The following SCFD2 variants were observed in gnomAD, a reference collection of about 807,000 sequenced individuals.
The protein encoded by SCFD2 is sec1 family domain-containing protein 2.
Under a neutral mutation model 58.9 loss-of-function variants are expected in SCFD2, and 54 were observed. The ratio of observed to expected loss-of-function variants is 0.92; its 90% CI spans 0.74 to 1.15. The LOEUF (loss-of-function observed/expected upper bound fraction) is 1.15. Among genes scored for constraint, SCFD2 ranks in the 50% most tolerant of loss-of-function variants. The probability of loss-of-function intolerance (pLI) is 0.00; values close to 1 mark genes in which losing one functional copy is unlikely to be tolerated. For synonymous variants in SCFD2, 321 were observed against 335.9 expected, an observed-to-expected ratio of 0.96 and a Z score of 0.49; for missense variants, 805 against 836.6, an observed-to-expected ratio of 0.96 and a Z score of 0.47.
At position 53,031,523 on chromosome 4, in the gene SCFD2, G is replaced by C. The variant is rs147649359; in HGVS notation, c.1562-110653C>G. Among the ~76,000 whole-genome samples the C allele has an allele frequency of 5.0e-3, 766 of 152,242 alleles. 3 individuals carry two copies. Among genetic ancestry groups the C allele is most frequent in the Admixed American group, 0.011 (162 of 15,282 alleles). ...TTCTAACCCAATGTAAGGAAGCTAA[G>C]AACCATGACAAAGACAAAAGTTTAG... On this transcript the variant is annotated intron_variant, in intron 5 of 8. Coordinates refer to ENST00000401642, the MANE Select transcript of SCFD2 (RefSeq NM_152540.4).
intron 2 of SCFD2, among the ~76,000 whole-genome samples, chr4:53,333,150 TATC>T (rs1456509349): frequency 1.9e-3 from 247 of 128,844 alleles, no homozygotes; most frequent in African/African-American, 7.0e-3. Flanking sequence ...GAAGAATCAA[TATC>T]ATGAAAATGG....
intron 7 of SCFD2, among the ~76,000 whole-genome samples, chr4:52,896,567 T>C (rs962105352): frequency 3.3e-5 from 5 of 152,194 alleles, no homozygotes; most frequent in African/African-American, 1.2e-4. Flanking sequence ...ACTGTAGCCT[T>C]GTAGTATAGT....
chr4:53,121,679 C>T (rs1238285207), intron 5 of SCFD2, among the ~76,000 whole-genome samples: 1 of 152,156 alleles, frequency 6.6e-6, no homozygotes, highest in Non-Finnish European at 1.5e-5. Context: ...CAGACCTGGT[C>T]GCAATCAGAA....
At chr4:53,181,715 T>C (rs1408153118) in intron 4 of SCFD2, among the ~76,000 whole-genome samples, 1 of 152,206 alleles carries the variant, frequency 6.6e-6, no homozygotes, top group African/African-American at 2.4e-5. Flanking sequence ...GAAGTCAAAT[T>C]GTCCCTGTTT....
intron 5 of SCFD2, among the ~76,000 whole-genome samples, chr4:52,937,186 T>C (rs1213235283): frequency 6.6e-6 from 1 of 152,172 alleles, no homozygotes; most frequent in East Asian, 1.9e-4. Context: ...GGAAAAACTT[T>C]CTGGACAGAA....
At chr4:53,306,345 T>G (rs890433941) in intron 3 of SCFD2, among the ~76,000 whole-genome samples, 1 of 151,848 alleles carries the variant, frequency 6.6e-6, no homozygotes, top group Non-Finnish European at 1.5e-5. Flanking sequence ...ATAAAACAAT[T>G]ATCAGAAAGA....
intron 2 of SCFD2, among the ~76,000 whole-genome samples, chr4:53,334,930 C>G (rs1312878059): frequency 1.3e-5 from 2 of 152,088 alleles, no homozygotes; most frequent in Non-Finnish European, 2.9e-5. Context: ...GGCGCGATGG[C>G]TCACACCTGC....
chr4:53,277,229 T>C lies in SCFD2; in HGVS notation c.1136-3228A>G, dbSNP rs73816052. On this transcript the variant is annotated intron_variant, in intron 3 of 8. Transcript: ENST00000401642. ...TCAGCCTCTTACGTGTCATTCTCTCTAAAGGGATAGGGACCTTTTGTGCAA... is the reference window on the plus strand; with the variant it reads ...TCAGCCTCTTACGTGTCATTCTCTCCAAAGGGATAGGGACCTTTTGTGCAA... 1.6e-3 allele frequency among the ~76,000 whole-genome samples: 238 copies of C among 152,370 alleles called. 5 individuals carry two copies. In the South Asian group the frequency reaches 0.023, roughly 14 times the overall value.
intron 1 of SCFD2, among the ~76,000 whole-genome samples, chr4:53,354,232 G>C (rs1351004628): frequency 6.6e-6 from 1 of 152,236 alleles, no homozygotes; most frequent in Non-Finnish European, 1.5e-5. Context: ...CCTGCCCCGC[G>C]GGGAGGTGGC....
intron 4 of SCFD2, among the ~76,000 whole-genome samples, chr4:53,213,173 A>C (rs1455888982): frequency 6.6e-6 from 1 of 152,134 alleles, no homozygotes; most frequent in Non-Finnish European, 1.5e-5. Context: ...TTAATGTCTA[A>C]AGAAAGTCCA....
intron 4 of SCFD2, among the ~76,000 whole-genome samples, chr4:53,247,878 A>T (rs1055268426): frequency 1.2e-4 from 18 of 151,100 alleles, no homozygotes; most frequent in African/African-American, 4.1e-4. Flanking sequence ...AAAAAAAAAA[A>T]AAAAAAAAAA....
chr4:53,314,600 T>TA (rs1343647596), intron 2 of SCFD2, among the ~76,000 whole-genome samples: 6 of 152,172 alleles, frequency 3.9e-5, no homozygotes, highest in African/African-American at 1.4e-4. Context: ...TTTCCTCCAA[T>TA]TAAAGCCCTA....
intron 2 of SCFD2, among the ~76,000 whole-genome samples, chr4:53,329,413 G>C (rs372531189): frequency 0.045 from 6,774 of 151,486 alleles, 189 homozygotes; most frequent in Non-Finnish European, 0.068. Context: ...CGGGCAGACT[G>C]CCTCCTCAAG....
intron 2 of SCFD2, among the ~76,000 whole-genome samples, chr4:53,332,650 G>A (rs1263193541): frequency 6.6e-6 from 1 of 152,070 alleles, no homozygotes; most frequent in African/African-American, 2.4e-5. Flanking sequence ...CATACTGAAT[G>A]GGCAAAAACT....
intron 5 of SCFD2, among the ~76,000 whole-genome samples, chr4:52,921,760 AC>A (rs1719741908): frequency 6.6e-6 from 1 of 151,900 alleles, no homozygotes; most frequent in East Asian, 1.9e-4. Flanking sequence ...ACTGCTTCCT[AC>A]CTCAGTACCT....
At chr4:52,973,024 A>G (rs1047950009) in intron 5 of SCFD2, among the ~76,000 whole-genome samples, 3 of 152,256 alleles carry the variant, frequency 2.0e-5, no homozygotes, top group Admixed American at 2.0e-4. Flanking sequence ...AGCAGTGTGT[A>G]GAGGGAAATT....
intron 4 of SCFD2, among the ~76,000 whole-genome samples, chr4:53,158,357 C>G (rs1466993969): frequency 6.6e-6 from 1 of 152,216 alleles, no homozygotes; most frequent in Non-Finnish European, 1.5e-5. Flanking sequence ...ACCTATTGGA[C>G]TTCTCCACTT....
chr4:53,118,479 A>T (rs1434114254), intron 5 of SCFD2, among the ~76,000 whole-genome samples: 2 of 152,266 alleles, frequency 1.3e-5, no homozygotes, highest in Non-Finnish European at 2.9e-5. Flanking sequence ...TGTATCAGAA[A>T]AAAAGTATTT....
At chr4:53,111,599 T>A (rs1449988920) in intron 5 of SCFD2, among the ~76,000 whole-genome samples, 1 of 152,162 alleles carries the variant, frequency 6.6e-6, no homozygotes, top group Non-Finnish European at 1.5e-5. Flanking sequence ...TCTGGACGTA[T>A]AATTGAGGAC....
Sources: allele counts gnomAD v4.1 joint callset (sites outside exome capture counted in the v4.1 genomes callset), GRCh38; gene constraint gnomAD v4.1.1; transcripts MANE v1.5; gene names NCBI Gene and HGNC (gene_info 2026-07-23, HGNC 2026-07-21).